Variants in CDH13 observed in about 807,000 individuals in gnomAD.
CDH13 encodes the protein cadherin 13.
Under a neutral mutation model 63.8 loss-of-function variants are expected in CDH13, and 24 were observed. That is an observed-to-expected ratio of 0.38 (90% CI 0.27 to 0.53). The LOEUF is 0.53. Among genes scored for constraint, CDH13 ranks in the 20% least tolerant of loss-of-function variants. CDH13 has a pLI of 0.85. For missense variants in CDH13, 1,049 were observed against 903.1 expected (o/e 1.16, Z -2.07); for synonymous variants, 503 against 355.3 (o/e 1.42, Z -4.67).
At chr16:83,058,128 T>C (rs2151516965) in intron 3 of CDH13, among the ~76,000 whole-genome samples, 1 of 152,356 alleles carries the variant, frequency 6.6e-6, no homozygotes, top group South Asian at 2.1e-4. Flanking sequence ...TAGCTCTAAA[T>C]ACAAAGTTAG....
At chr16:82,688,685 T>C (rs1368628949) in intron 1 of CDH13, among the ~76,000 whole-genome samples, 2 of 152,220 alleles carry the variant, frequency 1.3e-5, no homozygotes, top group Non-Finnish European at 2.9e-5. Flanking sequence ...CCGAGGATGA[T>C]CAAGTGAGCA....
chr16:83,699,375 A>C (rs924928569), intron 10 of CDH13, among the ~76,000 whole-genome samples: 1 of 152,234 alleles, frequency 6.6e-6, no homozygotes, highest in Non-Finnish European at 1.5e-5. Context: ...CCTGCCTTTG[A>C]GAACTAAATA....
At chr16:82,876,047 A>C (rs531792376) in intron 2 of CDH13, among the ~76,000 whole-genome samples, 1 of 152,346 alleles carries the variant, frequency 6.6e-6, no homozygotes, top group Admixed American at 6.5e-5. Context: ...TAAAATCATC[A>C]GCTCTCATGA....
At chr16:83,186,139 T>TATTTC (rs2038515553) in intron 4 of CDH13, among the ~76,000 whole-genome samples, 1 of 126,676 alleles carries the variant, frequency 7.9e-6, no homozygotes, top group Non-Finnish European at 1.7e-5. Context: ...TATTTTATTT[T>TATTTC]ATTTTATTTT....
intron 2 of CDH13, among the ~76,000 whole-genome samples, chr16:82,864,102 T>C (rs1668002184): frequency 6.6e-6 from 1 of 152,238 alleles, no homozygotes; most frequent in African/African-American, 2.4e-5. Flanking sequence ...AATATTCTTA[T>C]TTACTTCGCT....
At chr16:83,720,685 G>C in intron 10 of CDH13, among the ~76,000 whole-genome samples, 1 of 152,174 alleles carries the variant, frequency 6.6e-6, no homozygotes, top group East Asian at 1.9e-4. Flanking sequence ...CAGGGTGCCA[G>C]ACACCTTTGC....
At chr16:82,779,094 T>C (rs2035631041) in intron 1 of CDH13, among the ~76,000 whole-genome samples, 1 of 152,176 alleles carries the variant, frequency 6.6e-6, no homozygotes, top group Non-Finnish European at 1.5e-5. Flanking sequence ...GGGTAAAGCT[T>C]GAGTAATGAG....
At chr16:83,730,846 A>T (rs564700943) in intron 10 of CDH13, among the ~76,000 whole-genome samples, 1 of 151,868 alleles carries the variant, frequency 6.6e-6, no homozygotes, top group African/African-American at 2.4e-5. Context: ...CCCAATGTCT[A>T]TTGCTCCCAT....
rs559041763 is a variant in CDH13 at position 83,731,317 on chromosome 16, G to A, written c.1539-16791G>A. ...GAGTTCCCTTTTCTCTGTAACCTGG[G>A]CAGCATCTGTCATTTTTTGACTTTT... On this transcript the variant is annotated intron_variant, in intron 10 of 13. Coordinates refer to ENST00000567109, the MANE Select transcript of CDH13 (RefSeq NM_001257.5). Among the ~76,000 whole-genome samples the A allele has an allele frequency of 2.3e-5, 3 of 132,562 alleles. No homozygotes were observed. The Admixed American group carries it at 2.4e-4, about 10-fold the overall frequency. The allele number at this position is 132,562 out of a possible 152,430, so 87.0% of individuals were successfully genotyped here. A position where few individuals can be genotyped will look rare whatever the true frequency, so the allele number is the denominator to read the frequency against.
chr16:83,210,589 A>G (rs2039311625), intron 4 of CDH13, among the ~76,000 whole-genome samples: 1 of 152,062 alleles, frequency 6.6e-6, no homozygotes, highest in Non-Finnish European at 1.5e-5. Flanking sequence ...GACAAAGCAG[A>G]CAAAGTAGCT....
At chr16:83,108,575 C>G (rs1240890106) in intron 3 of CDH13, among the ~76,000 whole-genome samples, 1 of 152,186 alleles carries the variant, frequency 6.6e-6, no homozygotes, top group Non-Finnish European at 1.5e-5. Flanking sequence ...CCACCCCATC[C>G]TCCCAGTGCA....
chr16:82,980,078 G>A lies in CDH13; in HGVS notation c.158-51932G>A, dbSNP rs569475972. Among the ~76,000 whole-genome samples the A allele has an allele frequency of 3.3e-3, 368 of 110,358 alleles. 2 individuals carry two copies. The highest frequency in any genetic ancestry group is 0.026 in the Middle Eastern group (5 of 194). 72.4% of individuals were successfully genotyped at this position (110,358 alleles called of 152,430 possible). On this transcript the variant is annotated intron_variant, in intron 2 of 13. Coordinates refer to ENST00000567109, the MANE Select transcript of CDH13 (RefSeq NM_001257.5). ...GGGATGGCACCACCCCCAGGGGCTA[G>A]TGATGGCAGGGACAGTTATCTGCCC...
At chr16:82,818,345 C>T (rs181681679) in intron 1 of CDH13, among the ~76,000 whole-genome samples, 5 of 152,096 alleles carry the variant, frequency 3.3e-5, no homozygotes, top group Non-Finnish European at 5.9e-5. Context: ...ATAAAAAAGA[C>T]CACTTTCTTC....
At chr16:82,873,830 C>T (rs2040419955) in intron 2 of CDH13, among the ~76,000 whole-genome samples, 1 of 152,092 alleles carries the variant, frequency 6.6e-6, no homozygotes, top group Non-Finnish European at 1.5e-5. Context: ...TAGCTTGGCT[C>T]CTCTGAAAGA....
intron 7 of CDH13, among the ~76,000 whole-genome samples, chr16:83,514,792 G>A (rs982397851): frequency 3.3e-5 from 5 of 152,174 alleles, no homozygotes; most frequent in African/African-American, 9.7e-5. Flanking sequence ...TAGAAGCTAG[G>A]ATAGAGGCCG....
intron 3 of CDH13, among the ~76,000 whole-genome samples, chr16:83,070,906 G>A (rs1325486392): frequency 7.0e-6 from 1 of 142,090 alleles, no homozygotes; most frequent in East Asian, 2.1e-4. Context: ...TTTATTTATT[G>A]CTCATGATAT....
At chr16:82,998,601 C>T (rs1912510561) in intron 2 of CDH13, among the ~76,000 whole-genome samples, 1 of 152,168 alleles carries the variant, frequency 6.6e-6, no homozygotes, top group South Asian at 2.1e-4. Flanking sequence ...CCTCATGCCA[C>T]TCTCAGCTTT....
At chr16:83,538,337 C>T (rs369850091) in intron 7 of CDH13, among the ~76,000 whole-genome samples, 8 of 152,180 alleles carry the variant, frequency 5.3e-5, no homozygotes, top group Non-Finnish European at 1.2e-4. Context: ...TCCCCTGAAG[C>T]AGTCACACTA....
At chr16:83,227,012 A>G (rs2039860448) in intron 5 of CDH13, among the ~76,000 whole-genome samples, 1 of 152,252 alleles carries the variant, frequency 6.6e-6, no homozygotes, top group African/African-American at 2.4e-5. Context: ...GAAAGAGGGG[A>G]TACGGACAGG....
Sources: gnomAD v4.1 joint callset for allele counts (sites outside exome capture counted in the v4.1 genomes callset) on GRCh38, gnomAD v4.1.1 for gene constraint, MANE v1.5 for transcripts, NCBI Gene and HGNC (gene_info 2026-07-23, HGNC 2026-07-21) for gene names.